PAK1: variants seen among roughly 807,000 people sequenced by gnomAD.
PAK1 encodes the protein p21 (RAC1) activated kinase 1, also known as serine/threonine-protein kinase PAK 1.
A neutral mutation model predicts 67.4 loss-of-function variants in PAK1; 29 were observed. The ratio of observed to expected loss-of-function variants is 0.43; its 90% CI spans 0.32 to 0.59. The LOEUF (loss-of-function observed/expected upper bound fraction) is 0.59. Among genes scored for constraint, PAK1 ranks in the 20% least tolerant of loss-of-function variants. PAK1 has a pLI of 0.07. For synonymous variants in PAK1, 223 were observed against 237.4 expected (o/e 0.94, Z 0.56); for missense variants, 337 against 670.7 (o/e 0.50, Z 5.50).
chr11:77,381,060 G>A (rs1949741679), intron 2 of PAK1, among the ~76,000 whole-genome samples: 1 of 151,792 alleles, frequency 6.6e-6, no homozygotes, highest in Non-Finnish European at 1.5e-5. Context: ...GCAAAACCCT[G>A]ATAAAAGGTA....
chr11:77,435,494 CTTTTTTT>C (rs199613170), intron 1 of PAK1, among the ~76,000 whole-genome samples: 16,331 of 141,306 alleles, frequency 0.12, 2,200 homozygotes, highest in African/African-American at 0.32. Context: ...CATATTTTCT[CTTTTTTT>C]TTTTTTTTTT....
At chr11:77,414,175 T>C (rs2853086) in intron 1 of PAK1, among the ~76,000 whole-genome samples, 1 of 152,154 alleles carries the variant, frequency 6.6e-6, no homozygotes, top group Non-Finnish European at 1.5e-5. Context: ...TAATTTATTA[T>C]GCCCCTCCAC....
chr11:77,473,049 A>T (rs567515428), intron 1 of PAK1, among the ~76,000 whole-genome samples: 2 of 152,288 alleles, frequency 1.3e-5, no homozygotes, highest in Admixed American at 1.3e-4. Context: ...GGGGCTGCGT[A>T]AGTCAAGTCC....
At chr11:77,392,820 A>G (rs1951312179) in intron 1 of PAK1, among the ~76,000 whole-genome samples, 3 of 152,232 alleles carry the variant, frequency 2.0e-5, no homozygotes, top group Admixed American at 1.3e-4. Flanking sequence ...TTGAAAGCAG[A>G]AATTTGGCCT....
At chr11:77,349,207 T>A in intron 9 of PAK1, 32 bp downstream of exon 9, 1 of 1,516,746 alleles carries the variant, frequency 6.6e-7, no homozygotes, top group Non-Finnish European at 9.1e-7. Context: ...GAAACAGAAC[T>A]AAAGGAGCAA....
intron 1 of PAK1, among the ~76,000 whole-genome samples, chr11:77,472,653 T>C (rs1039452614): frequency 1.3e-5 from 2 of 152,236 alleles, no homozygotes; most frequent in African/African-American, 2.4e-5. Context: ...TACTTTCTCC[T>C]GACAGAGTTG....
At chr11:77,420,381 T>C (rs991455314) in intron 1 of PAK1, among the ~76,000 whole-genome samples, 6 of 152,202 alleles carry the variant, frequency 3.9e-5, no homozygotes, top group African/African-American at 1.2e-4. Flanking sequence ...CATGACCTAG[T>C]TCTTACCCTC....
chr11:77,344,569 A>T (rs553718141), intron 9 of PAK1, among the ~76,000 whole-genome samples: 88 of 152,334 alleles, frequency 5.8e-4, no homozygotes, highest in Non-Finnish European at 1.1e-3. Flanking sequence ...TGTGTAAGGT[A>T]CTATTATAAG....
chr11:77,504,817 C>T, the PAK1 span, among the ~76,000 whole-genome samples: 1 of 152,166 alleles, frequency 6.6e-6, no homozygotes, highest in Admixed American at 6.6e-5. Flanking sequence ...TGTTAGGCAC[C>T]TGAAAACACT....
chr11:77,371,898 G>A (rs1344336015), intron 5 of PAK1, among the ~76,000 whole-genome samples: 2 of 152,140 alleles, frequency 1.3e-5, no homozygotes, highest in African/African-American at 4.8e-5. Context: ...AAACAACATA[G>A]CTACAGCTTT....
intron 1 of PAK1, among the ~76,000 whole-genome samples, chr11:77,469,455 G>A (rs114750143): frequency 0.015 from 2,322 of 152,222 alleles, 48 homozygotes; most frequent in African/African-American, 0.053. Context: ...ACTTTTCAAA[G>A]ATTCCTTTAT....
At chr11:77,441,136 C>T (rs943247379) in intron 1 of PAK1, among the ~76,000 whole-genome samples, 5 of 152,020 alleles carry the variant, frequency 3.3e-5, no homozygotes, top group African/African-American at 1.2e-4. Flanking sequence ...CCTGAAGAAG[C>T]TTCAATCAGC....
intron 1 of PAK1, among the ~76,000 whole-genome samples, chr11:77,431,851 G>T (rs1340575764): frequency 6.6e-6 from 1 of 152,190 alleles, no homozygotes; most frequent in Non-Finnish European, 1.5e-5. Context: ...TATACCTGAA[G>T]TCACAAAAAG....
At chr11:77,356,864 C>G (rs1042442988) in intron 6 of PAK1, among the ~76,000 whole-genome samples, 19 of 152,128 alleles carry the variant, frequency 1.2e-4, no homozygotes, top group African/African-American at 4.3e-4. Flanking sequence ...CTATATACTA[C>G]TGAGGTTCAG....
chr11:77,519,576 A>G, the PAK1 span, among the ~76,000 whole-genome samples: 1 of 152,204 alleles, frequency 6.6e-6, no homozygotes, highest in African/African-American at 2.4e-5. Flanking sequence ...AAAGTTCTCC[A>G]GAAGCTTTTA....
the PAK1 span, among the ~76,000 whole-genome samples, chr11:77,484,334 C>G: frequency 6.6e-6 from 1 of 152,054 alleles, no homozygotes; most frequent in South Asian, 2.1e-4. Flanking sequence ...CCATGTCAGT[C>G]CCCAGGAGGC....
intron 1 of PAK1, among the ~76,000 whole-genome samples, chr11:77,442,471 G>A (rs1398384029): frequency 2.0e-5 from 3 of 152,178 alleles, no homozygotes; most frequent in Admixed American, 2.0e-4. Context: ...GCAAAGAACT[G>A]AAGCTTTTAG....
At chr11:77,418,002 C>T (rs1955061696) in intron 1 of PAK1, among the ~76,000 whole-genome samples, 1 of 152,122 alleles carries the variant, frequency 6.6e-6, no homozygotes, top group Admixed American at 6.5e-5. Flanking sequence ...TCCCAAAGTG[C>T]TGGGATTACA....
chr11:77,478,762 G>C (rs1360162221), upstream of PAK1, among the ~76,000 whole-genome samples: 1 of 149,572 alleles, frequency 6.7e-6, no homozygotes, highest in Non-Finnish European at 1.5e-5. Context: ...CCTGGTGACA[G>C]AGTGAGAGTC....
Sources: allele counts gnomAD v4.1 joint callset (sites outside exome capture counted in the v4.1 genomes callset), GRCh38; gene constraint gnomAD v4.1.1; transcripts MANE v1.5; gene names NCBI Gene and HGNC (gene_info 2026-07-23, HGNC 2026-07-21).